The following DYSF variants were observed in gnomAD, a reference collection of about 807,000 sequenced individuals.
The protein encoded by DYSF is dysferlin.
Under a neutral mutation model 274.9 loss-of-function variants are expected in DYSF, and 212 were observed. The observed-to-expected ratio is 0.77, with a 90% CI of 0.69 to 0.86. The LOEUF (loss-of-function observed/expected upper bound fraction) is 0.86. DYSF is among the 40% of genes least tolerant of loss of function. The pLI is 0.00. For synonymous variants in DYSF, 1,091 were observed against 1,078.7 expected (o/e 1.01, Z -0.22); for missense variants, 2,666 against 2,783.2 (o/e 0.96, Z 0.95).
intron 1 of DYSF, among the ~76,000 whole-genome samples, chr2:71,472,003 T>C (rs543099156): frequency 6.6e-6 from 1 of 152,086 alleles, no homozygotes; most frequent in Non-Finnish European, 1.5e-5. Context: ...AAATCCAGGG[T>C]CATTTTTTAT....
At chr2:71,590,037 G>A (rs1025327649) in intron 31 of DYSF, among the ~76,000 whole-genome samples, 174 bp from the exon 32 acceptor site, 4 of 152,088 alleles carry the variant, frequency 2.6e-5, no homozygotes, top group African/African-American at 4.8e-5. Context: ...TCAGGTGTCC[G>A]CTTTCAAGCT....
chr2:71,604,778 A>G (rs1357464707), intron 36 of DYSF, among the ~76,000 whole-genome samples: 1 of 152,208 alleles, frequency 6.6e-6, no homozygotes, highest in East Asian at 1.9e-4. Flanking sequence ...GAGATGAAAT[A>G]CTGTCTGCCC....
intron 42 of DYSF, among the ~76,000 whole-genome samples, chr2:71,655,939 C>T (rs1035288120): frequency 3.3e-5 from 5 of 152,198 alleles, no homozygotes; most frequent in Non-Finnish European, 7.3e-5. Context: ...TTCTGGCTCC[C>T]TCTGTGACCT....
Position 71,574,695 on chromosome 2 carries a change from C to T in DYSF, c.3402+324C>T, listed in dbSNP as rs369442221. 7.9e-5 allele frequency among the ~76,000 whole-genome samples: 12 copies of T among 152,304 alleles called. No individual in the cohort carries two copies. The East Asian group carries it at 2.1e-3, about 27-fold the overall frequency. On this transcript the variant is annotated intron_variant, in intron 30 of 55. Transcript: ENST00000410020. Reference sequence around the variant, plus strand: ...CCTGGCTGGCTGGTGTGAAGATGGGCGAGGAGGCCCATGGGAGGAGTGAGA... The same window carrying T: ...CCTGGCTGGCTGGTGTGAAGATGGGTGAGGAGGCCCATGGGAGGAGTGAGA...
intron 3 of DYSF, among the ~76,000 whole-genome samples, chr2:71,491,392 C>T (rs1057325705): frequency 5.3e-5 from 8 of 152,226 alleles, no homozygotes; most frequent in South Asian, 2.1e-4. Context: ...CAGAGGTGCA[C>T]GTGTGCACAC....
At chr2:71,523,626 A>G (rs1470648160) in intron 12 of DYSF, among the ~76,000 whole-genome samples, 1 of 149,624 alleles carries the variant, frequency 6.7e-6, no homozygotes, top group Non-Finnish European at 1.5e-5. Flanking sequence ...GGCTCACTGC[A>G]ACCTCCGCCT....
At chr2:71,494,553 A>G (rs1445723798) in intron 3 of DYSF, among the ~76,000 whole-genome samples, 2 of 152,126 alleles carry the variant, frequency 1.3e-5, no homozygotes, top group African/African-American at 4.8e-5. Context: ...GCTGATTTTC[A>G]TCTCCAGCAC....
chr2:71,466,675 T>C (rs58981291), upstream of DYSF: 249,199 of 1,355,108 alleles, frequency 0.18, 24,618 homozygotes, highest in East Asian at 0.44. Flanking sequence ...GTGTCCTCCC[T>C]GCAGCCTCTC....
At chr2:71,618,359 GTGGTAGAGGTGGCA>G (rs1263702622) in intron 40 of DYSF, among the ~76,000 whole-genome samples, 1 of 36,794 alleles carries the variant, frequency 2.7e-5, no homozygotes, top group African/African-American at 1.2e-4. Context: ...GGGTGTGTGT[GTGGTAGAGGTGGCA>G]TGTGTGGTAG....
At chr2:71,618,882 G>A (rs912543079) in intron 40 of DYSF, among the ~76,000 whole-genome samples, 8 of 151,830 alleles carry the variant, frequency 5.3e-5, no homozygotes, top group Non-Finnish European at 1.0e-4. Context: ...GGTGGGTGCT[G>A]GGGCTGGCCG....
chr2:71,531,350 C>T (rs566112199), intron 14 of DYSF, among the ~76,000 whole-genome samples: 2 of 152,170 alleles, frequency 1.3e-5, no homozygotes, highest in South Asian at 4.2e-4. Flanking sequence ...TATTTGCAAG[C>T]CCAAAATCAA....
intron 15 of DYSF, 59 bp downstream of exon 15, chr2:71,535,148 GTC>G: frequency 6.2e-7 from 1 of 1,608,180 alleles, no homozygotes; most frequent in Non-Finnish European, 8.5e-7. Context: ...GCTTCGGGAG[GTC>G]CAGGGCTCCT....
chr2:71,503,422 G>T, intron 4 of DYSF, 103 bp downstream of exon 4: 1 of 1,220,892 alleles, frequency 8.2e-7, no homozygotes, highest in Non-Finnish European at 1.2e-6. Context: ...TCTGACTTCA[G>T]CTCCCTTGAA....
chr2:71,627,424 A>T lies in DYSF; in HGVS notation c.4527+6815A>T, dbSNP rs114405582. On this transcript the variant is annotated intron_variant, in intron 41 of 55. Transcript: ENST00000410020. ...TGTTATTGATTTCTAGGTTAACTGG[A>T]ATGGTCTCTATGGTCCAGAGAGTGT... is the stretch of plus-strand genomic sequence containing the variant. 2.5e-3 allele frequency among the ~76,000 whole-genome samples: 385 copies of T among 152,206 alleles called. 2 individuals carry two copies. Among genetic ancestry groups the T allele is most frequent in the African/African-American group, 8.6e-3 (356 of 41,574 alleles).
intron 45 of DYSF, among the ~76,000 whole-genome samples, chr2:71,663,042 C>CATATTTGTGTGTGTATGTCTGT (rs2094928154): frequency 3.0e-5 from 1 of 32,958 alleles, no homozygotes; most frequent in South Asian, 1.0e-3. Flanking sequence ...TGTGTGTGTG[C>CATATTTGTGTGTGTATGTCTGT]GCGCACGCGC....
intron 1 of DYSF, among the ~76,000 whole-genome samples, chr2:71,478,146 T>C (rs2082545957): frequency 6.6e-6 from 1 of 151,922 alleles, no homozygotes; most frequent in Admixed American, 6.6e-5. Flanking sequence ...GCTTCAGTTA[T>C]AATTTCTAAT....
intron 1 of DYSF, among the ~76,000 whole-genome samples, chr2:71,461,485 C>A (rs80244319): frequency 6.6e-6 from 1 of 152,152 alleles, no homozygotes; most frequent in Non-Finnish European, 1.5e-5. Flanking sequence ...GCTAGGAGAG[C>A]GAGAGGTGGA....
intron 1 of DYSF, among the ~76,000 whole-genome samples, chr2:71,474,070 G>A (rs1460074632): frequency 2.0e-5 from 3 of 151,976 alleles, no homozygotes; most frequent in Admixed American, 6.6e-5. Context: ...GGGATTACAG[G>A]CATGTGCCAC....
intron 52 of DYSF, among the ~76,000 whole-genome samples, chr2:71,676,807 T>G (rs2095230001): frequency 6.6e-6 from 1 of 152,184 alleles, no homozygotes; most frequent in Admixed American, 6.5e-5. Context: ...ACTTGTGTCT[T>G]TTGAATATTT....
Sources: allele counts gnomAD v4.1 joint callset (sites outside exome capture counted in the v4.1 genomes callset), GRCh38; gene constraint gnomAD v4.1.1; transcripts MANE v1.5; gene names NCBI Gene and HGNC (gene_info 2026-07-23, HGNC 2026-07-21).